The following PTCHD4 variants were observed in gnomAD, a reference collection of about 807,000 sequenced individuals.
PTCHD4 encodes patched domain containing 4, also known as patched domain-containing protein 4.
In PTCHD4, 33 loss-of-function variants were observed where a neutral mutation model predicts 58.1. That is an observed-to-expected ratio of 0.57 (90% CI 0.43 to 0.76). The LOEUF (loss-of-function observed/expected upper bound fraction) is 0.76, where lower values mean the gene tolerates loss of function less well. Ranked by LOEUF, PTCHD4 falls within the 30% of genes least tolerant of loss-of-function variation. The probability of loss-of-function intolerance (pLI) is 0.00; values close to 1 mark genes in which losing one functional copy is unlikely to be tolerated. For missense variants in PTCHD4, 1,058 were observed against 1,027.1 expected, an observed-to-expected ratio of 1.03 and a Z score of -0.41; for synonymous variants, 478 against 409.6, an observed-to-expected ratio of 1.17 and a Z score of -2.02.
At chr6:47,968,821 G>C (rs1258108404) in intron 4 of PTCHD4, among the ~76,000 whole-genome samples, 1 of 152,126 alleles carries the variant, frequency 6.6e-6, no homozygotes, top group East Asian at 1.9e-4. Flanking sequence ...GAAAATGAGA[G>C]AGAAAGAGGA....
At position 47,872,482 on chromosome 6, in the gene PTCHD4, C is replaced by G. The variant is rs1235591129; in HGVS notation, c.*5821G>C. Among the ~76,000 whole-genome samples, 1 of 151,608 alleles carries G rather than the reference C, an allele frequency of 6.6e-6. No individual in the cohort carries two copies. Among genetic ancestry groups the G allele is most frequent in the Non-Finnish European group, 1.5e-5 (1 of 67,728 alleles). Reference sequence around the variant, plus strand: ...TCAGCTACAAATGGCTTCTAAAAACCTCAGCTCAGATAAGTGCAATGAAAT... The same window carrying G: ...TCAGCTACAAATGGCTTCTAAAAACGTCAGCTCAGATAAGTGCAATGAAAT... On this transcript the variant is annotated 3_prime_UTR_variant, in exon 5 of 5. Coordinates refer to ENST00000339488, the MANE Select transcript of PTCHD4 (RefSeq NM_001384253.1).
intron 3 of PTCHD4, among the ~76,000 whole-genome samples, chr6:48,060,620 T>C (rs1321864944): frequency 6.6e-6 from 1 of 152,150 alleles, no homozygotes; most frequent in East Asian, 1.9e-4. Context: ...TCCACAGGTG[T>C]GTACCACCAC....
chr6:48,012,248 G>A (rs527928618), intron 3 of PTCHD4, among the ~76,000 whole-genome samples: 3 of 152,052 alleles, frequency 2.0e-5, no homozygotes, highest in Non-Finnish European at 2.9e-5. Context: ...TTATTTCCTC[G>A]AGTGGTGGTT....
chr6:47,983,923 C>T (rs1240640137), intron 4 of PTCHD4, among the ~76,000 whole-genome samples: 4 of 152,070 alleles, frequency 2.6e-5, no homozygotes, highest in Non-Finnish European at 5.9e-5. Flanking sequence ...GACAATATTA[C>T]ATATGTAATA....
chr6:47,927,377 G>C (rs1056438861), intron 4 of PTCHD4, among the ~76,000 whole-genome samples: 6 of 152,102 alleles, frequency 3.9e-5, no homozygotes, highest in African/African-American at 1.4e-4. Flanking sequence ...GCTGAAATAG[G>C]CACTCATTCC....
intron 4 of PTCHD4, among the ~76,000 whole-genome samples, chr6:47,942,967 C>T (rs1368858271): frequency 6.6e-6 from 1 of 152,174 alleles, no homozygotes; most frequent in Non-Finnish European, 1.5e-5. Flanking sequence ...TGGTCTGCAA[C>T]AGCAGTTTGG....
At chr6:47,917,236 A>G (rs1765288807) in intron 4 of PTCHD4, among the ~76,000 whole-genome samples, 1 of 152,114 alleles carries the variant, frequency 6.6e-6, no homozygotes, top group African/African-American at 2.4e-5. Flanking sequence ...ACTATGTTTT[A>G]AAAGAATCAG....
chr6:48,050,900 T>C (rs556102846), intron 3 of PTCHD4, among the ~76,000 whole-genome samples: 99 of 152,062 alleles, frequency 6.5e-4, no homozygotes, highest in Non-Finnish European at 1.1e-3. Context: ...AGATTTTCTA[T>C]TCATGATAAT....
intron 4 of PTCHD4, among the ~76,000 whole-genome samples, chr6:48,000,285 C>A (rs997221360): frequency 1.2e-4 from 18 of 152,056 alleles, no homozygotes; most frequent in African/African-American, 3.9e-4. Flanking sequence ...TCTAGCTGAC[C>A]CTGACCCGCA....
intron 3 of PTCHD4, among the ~76,000 whole-genome samples, chr6:48,024,369 C>CTCAA (rs1763170148): frequency 6.6e-6 from 1 of 152,060 alleles, no homozygotes; most frequent in African/African-American, 2.4e-5. Flanking sequence ...CTGTTCCAGT[C>CTCAA]CAGGAGGTTC....
intron 4 of PTCHD4, among the ~76,000 whole-genome samples, chr6:47,970,501 G>C (rs1767468951): frequency 6.6e-6 from 1 of 152,134 alleles, no homozygotes; most frequent in Non-Finnish European, 1.5e-5. Flanking sequence ...TGCCTGAGAA[G>C]ACCAGGCCTG....
intron 3 of PTCHD4, among the ~76,000 whole-genome samples, chr6:48,028,260 G>A (rs1459374424): frequency 6.6e-6 from 1 of 151,336 alleles, no homozygotes; most frequent in Non-Finnish European, 1.5e-5. Flanking sequence ...TTTCTCTTTT[G>A]TTTTTTTTGA....
rs981884990 is a variant in PTCHD4, at chr6:47,859,550, C to A, written c.*18753G>T. Reference sequence around the variant, plus strand: ...AATTTCTTCCCTCCCTCCCTCCTTTCCTTCCTTCCTTTGTCAAATATTTAT... The same window carrying A: ...AATTTCTTCCCTCCCTCCCTCCTTTACTTCCTTCCTTTGTCAAATATTTAT... On this transcript the variant is annotated 3_prime_UTR_variant, in exon 5 of 5. Transcript: ENST00000339488. 1.3e-5 allele frequency among the ~76,000 whole-genome samples: 2 copies of A among 152,002 alleles called. No individual in the cohort carries two copies. The highest frequency in any genetic ancestry group is 2.4e-5 in the African/African-American group (1 of 41,406).
chr6:47,965,628 A>G (rs1481208199), intron 4 of PTCHD4, among the ~76,000 whole-genome samples: 2 of 152,230 alleles, frequency 1.3e-5, no homozygotes, highest in Non-Finnish European at 2.9e-5. Context: ...TAATAGGAAA[A>G]TCAAGAACTC....
At chr6:48,040,499 A>C (rs1010187168) in intron 3 of PTCHD4, among the ~76,000 whole-genome samples, 2 of 151,868 alleles carry the variant, frequency 1.3e-5, no homozygotes, top group Non-Finnish European at 2.9e-5. Flanking sequence ...GGTGCATCCT[A>C]TTTCCTAGCT....
At chr6:47,903,759 A>G (rs2114152126) in intron 4 of PTCHD4, among the ~76,000 whole-genome samples, 2 of 152,292 alleles carry the variant, frequency 1.3e-5, no homozygotes, top group South Asian at 4.1e-4. Context: ...AAAAAGACAA[A>G]CAATAAATAA....
In PTCHD4 at chr6:48,068,296, G is replaced by A. The variant is rs751799002; in HGVS notation, c.351C>T (p.Thr117=). The A allele has an allele frequency of 4.3e-6, 7 of 1,611,784 alleles. No individual in the cohort carries two copies. The African/African-American group carries it at 5.3e-5, about 12-fold the overall frequency. ...CAGCCTGGAGCAAAATATTGTCCCC[G>A]GTTGGGGAGAGGAGGATCACCCTGC... ...RYGRVILLSP[T]GDNILLQAEG... The change falls in exon 3 of 5, where the codon ACC becomes ACT. Residue 117 remains threonine, a synonymous_variant. Coordinates refer to ENST00000339488, the MANE Select transcript of PTCHD4 (RefSeq NM_001384253.1). This position sits in a 1 kb window ranked among gnomAD's most constrained non-coding sequence, Gnocchi z 4.2.
chr6:47,895,712 T>C (rs564432586), intron 4 of PTCHD4, among the ~76,000 whole-genome samples: 16 of 152,114 alleles, frequency 1.1e-4, no homozygotes, highest in Non-Finnish European at 2.4e-4. Context: ...TGGAAAGTTC[T>C]TCCATATTTA....
chr6:48,044,380 C>T (rs1363408400), intron 3 of PTCHD4, among the ~76,000 whole-genome samples: 2 of 151,826 alleles, frequency 1.3e-5, no homozygotes, highest in South Asian at 2.1e-4. Flanking sequence ...CTTTGTAGAT[C>T]TGAGTCTTCC....
Sources: allele counts gnomAD v4.1 joint callset (sites outside exome capture counted in the v4.1 genomes callset), GRCh38; gene constraint gnomAD v4.1.1; non-coding constraint Gnocchi (gnomAD v3.1); transcripts MANE v1.5; gene names NCBI Gene and HGNC (gene_info 2026-07-23, HGNC 2026-07-21).